Variants in FHIT observed in about 807,000 individuals in gnomAD.
The protein encoded by FHIT is fragile histidine triad diadenosine triphosphatase.
In FHIT, 19 loss-of-function variants were observed where a neutral mutation model predicts 17.9. The ratio of observed to expected loss-of-function variants is 1.06; its 90% CI spans 0.74 to 1.56. FHIT has a LOEUF of 1.56. FHIT is among the 40% of genes most tolerant of loss of function. The pLI is 0.00. For synonymous variants in FHIT, 81 were observed against 69.7 expected (o/e 1.16, Z -0.81); for missense variants, 248 against 189.2 (o/e 1.31, Z -1.82).
At chr3:61,022,604 T>C (rs1174042099) in intron 3 of FHIT, among the ~76,000 whole-genome samples, 4 of 152,220 alleles carry the variant, frequency 2.6e-5, no homozygotes. Flanking sequence ...AATAAAATAC[T>C]GGCAAACTGA....
At chr3:60,460,000 A>C (rs980791579) in intron 5 of FHIT, among the ~76,000 whole-genome samples, 3 of 152,186 alleles carry the variant, frequency 2.0e-5, no homozygotes, top group African/African-American at 7.2e-5. Flanking sequence ...TCAGCAACCC[A>C]AAAGTCCTGT....
chr3:59,811,393 G>T (rs1182339176), intron 8 of FHIT, among the ~76,000 whole-genome samples: 1 of 152,122 alleles, frequency 6.6e-6, no homozygotes, highest in Non-Finnish European at 1.5e-5. Context: ...CAGCATGTGG[G>T]CATCCTGCAT....
intron 8 of FHIT, among the ~76,000 whole-genome samples, chr3:59,863,914 G>A (rs1385910162): frequency 6.6e-6 from 1 of 152,256 alleles, no homozygotes; most frequent in East Asian, 1.9e-4. Flanking sequence ...CCTGCTGAAT[G>A]AAAAGTTTGC....
Position 60,931,234 on chromosome 3 carries a change from G to A in FHIT, c.-110-109223C>T, listed in dbSNP as rs370938962. ...TGTTGTGGGGTGGGGGGAGTGGGGAGGGATAGCGTTAGGAGATATACCTAA... is the reference window on the plus strand; with the variant it reads ...TGTTGTGGGGTGGGGGGAGTGGGGAAGGATAGCGTTAGGAGATATACCTAA... On this transcript the variant is annotated intron_variant, in intron 3 of 9. Coordinates refer to ENST00000492590, the MANE Select transcript of FHIT (RefSeq NM_002012.4). Among the ~76,000 whole-genome samples, 11 of 152,002 alleles carry A rather than the reference G, an allele frequency of 7.2e-5. No homozygotes were observed. The East Asian group carries it at 9.7e-4, about 13-fold the overall frequency.
intron 5 of FHIT, among the ~76,000 whole-genome samples, chr3:60,403,211 G>A (rs866196558): frequency 6.6e-6 from 1 of 152,326 alleles, no homozygotes; most frequent in South Asian, 2.1e-4. Context: ...TAACAACAGA[G>A]CTGGGCAAAG....
At chr3:60,540,104 G>C (rs532001969) in intron 4 of FHIT, among the ~76,000 whole-genome samples, 1 of 151,938 alleles carries the variant, frequency 6.6e-6, no homozygotes, top group South Asian at 2.1e-4. Flanking sequence ...CAGTTTAATC[G>C]GTCATGTTTA....
rs144268507 is a variant in FHIT, at chr3:61,028,249, A to G, written c.-111+13798T>C. Among the ~76,000 whole-genome samples the G allele has an allele frequency of 3.5e-4, 54 of 152,354 alleles. 1 individual carries two copies. The highest frequency in any genetic ancestry group is 5.9e-4 in the Non-Finnish European group (40 of 68,036). ...GAAACGCAACTTAGGGAAAGTCAAG[A>G]TAGCTTTCTACAATTCACAAAAACT... On this transcript the variant is annotated intron_variant, in intron 3 of 9. Transcript: ENST00000492590.
chr3:59,822,307 A>C (rs1700821849), intron 8 of FHIT, among the ~76,000 whole-genome samples: 1 of 152,190 alleles, frequency 6.6e-6, no homozygotes, highest in South Asian at 2.1e-4. Flanking sequence ...CTCTGGGTAG[A>C]TACCCAGCAG....
intron 3 of FHIT, among the ~76,000 whole-genome samples, chr3:61,031,076 C>T (rs962011888): frequency 3.9e-5 from 6 of 152,094 alleles, no homozygotes; most frequent in Non-Finnish European, 7.4e-5. Flanking sequence ...CATGCTTCAA[C>T]CCGATCTCAA....
chr3:59,959,413 G>A (rs1362303859), intron 7 of FHIT, among the ~76,000 whole-genome samples: 1 of 152,192 alleles, frequency 6.6e-6, no homozygotes, highest in Non-Finnish European at 1.5e-5. Context: ...GAGGTTAAAT[G>A]TATGTAGAAG....
chr3:60,904,040 G>A (rs782347060), intron 3 of FHIT, among the ~76,000 whole-genome samples: 9 of 152,180 alleles, frequency 5.9e-5, no homozygotes, highest in Non-Finnish European at 1.0e-4. Flanking sequence ...ACGAGAAAGA[G>A]TATCACTTGT....
chr3:59,833,647 T>C (rs1701240904), intron 8 of FHIT, among the ~76,000 whole-genome samples: 1 of 152,156 alleles, frequency 6.6e-6, no homozygotes, highest in Admixed American at 6.5e-5. Context: ...TCAGGTGAAT[T>C]TTTACCAACA....
At chr3:60,551,788 G>C (rs946649425) in intron 4 of FHIT, among the ~76,000 whole-genome samples, 2 of 150,798 alleles carry the variant, frequency 1.3e-5, no homozygotes, top group African/African-American at 4.9e-5. Context: ...TTAAAAAAAA[G>C]CATATGCCCC....
At chr3:59,938,413 T>C (rs1292729888) in intron 7 of FHIT, among the ~76,000 whole-genome samples, 1 of 152,034 alleles carries the variant, frequency 6.6e-6, no homozygotes, top group Non-Finnish European at 1.5e-5. Flanking sequence ...GAGGGCAGAA[T>C]GGGGAGATAC....
At chr3:60,396,332 G>A (rs531548904) in intron 5 of FHIT, among the ~76,000 whole-genome samples, 76 of 152,282 alleles carry the variant, frequency 5.0e-4, no homozygotes, top group African/African-American at 1.6e-3. Context: ...GCTATATAAC[G>A]TTAGGGGAAG....
At chr3:60,636,903 G>A (rs1427311267) in intron 4 of FHIT, among the ~76,000 whole-genome samples, 1 of 152,108 alleles carries the variant, frequency 6.6e-6, no homozygotes, top group Non-Finnish European at 1.5e-5. Flanking sequence ...TCCTGACTCT[G>A]GGTTCTATAG....
intron 8 of FHIT, among the ~76,000 whole-genome samples, chr3:59,884,262 T>C (rs959778201): frequency 3.9e-5 from 6 of 152,224 alleles, no homozygotes; most frequent in Admixed American, 2.0e-4. Context: ...TATTTTATGA[T>C]TACTCACAAA....
At chr3:61,090,804 C>G (rs1575994352) in intron 2 of FHIT, among the ~76,000 whole-genome samples, 1 of 152,176 alleles carries the variant, frequency 6.6e-6, no homozygotes, top group East Asian at 1.9e-4. Context: ...TTTTGTCACC[C>G]TTGTTAAAAT....
At chr3:60,684,340 A>G (rs2040814765) in intron 4 of FHIT, among the ~76,000 whole-genome samples, 1 of 151,974 alleles carries the variant, frequency 6.6e-6, no homozygotes, top group African/African-American at 2.4e-5. Flanking sequence ...TTTTTTGCAA[A>G]CAAGGTCACA....
Sources: gnomAD v4.1 joint callset for allele counts (sites outside exome capture counted in the v4.1 genomes callset) on GRCh38, gnomAD v4.1.1 for gene constraint, MANE v1.5 for transcripts, NCBI Gene and HGNC (gene_info 2026-07-23, HGNC 2026-07-21) for gene names.